Variants in RAB11FIP1 observed in about 807,000 individuals in gnomAD.
The protein encoded by RAB11FIP1 is rab11 family-interacting protein 1.
In RAB11FIP1, 49 loss-of-function variants were observed where a neutral mutation model predicts 83.1. That is an observed-to-expected ratio of 0.59 (90% CI 0.47 to 0.75). The LOEUF is 0.75. RAB11FIP1 is among the 30% of genes least tolerant of loss of function. The pLI is 0.00. For synonymous variants in RAB11FIP1, 670 were observed against 656.0 expected, an observed-to-expected ratio of 1.02 and a Z score of -0.33; for missense variants, 1,536 against 1,598.7, an observed-to-expected ratio of 0.96 and a Z score of 0.67.
chr8:37,887,872 T>C (rs1314476827), intron 1 of RAB11FIP1, among the ~76,000 whole-genome samples: 1 of 152,232 alleles, frequency 6.6e-6, no homozygotes, highest in African/African-American at 2.4e-5. Flanking sequence ...ATCGTCAAAC[T>C]TATAATTTTG....
rs774149632 is a variant in RAB11FIP1 at position 37,863,075 on chromosome 8, C to T, written c.3672G>A (p.Gln1224=). 1.6e-5 allele frequency: 25 copies of T among 1,612,374 alleles called. No individual in the cohort carries two copies. In the South Asian group the frequency reaches 2.6e-4, roughly 17 times the overall value. The change falls in exon 6 of 6, where the codon CAG becomes CAA. Residue 1224 remains glutamine, a synonymous_variant. Coordinates refer to ENST00000330843, the MANE Select transcript of RAB11FIP1 (RefSeq NM_001002814.3). The stretch of plus-strand genomic sequence containing the variant: ...GCTGAATCAGCTCATCGTGGGTCAG[C>T]TGCGCATATGCAAATGCAGGGTCCG... ...SPSDPAFAYA[Q]LTHDELIQLV...
chr8:37,872,202 A>G lies in RAB11FIP1; in HGVS notation c.2600T>C (p.Val867Ala). Residue 867 changes from valine (V) to alanine (A), a missense_variant, in exon 4 of 6, where the codon GTG (valine) becomes GCG (alanine). Coordinates refer to ENST00000330843, the MANE Select transcript of RAB11FIP1 (RefSeq NM_001002814.3). ...ACACGTCGCTGGCCCAGGTGTGGTCACCGATTCCCTTTCTGAGTCCTCTGC... is the reference window on the plus strand; with the variant it reads ...ACACGTCGCTGGCCCAGGTGTGGTCGCCGATTCCCTTTCTGAGTCCTCTGC... Reference protein sequence around the residue: ...PHAEDSERESVTTPGPATCGA... With the variant: ...PHAEDSERESATTPGPATCGA... The G allele has an allele frequency of 1.9e-6, 3 of 1,614,012 alleles. No homozygotes were observed. The highest frequency in any genetic ancestry group is 1.7e-6 in the Non-Finnish European group (2 of 1,179,990).
chr8:37,863,491 G>A (rs1187314483), intron 5 of RAB11FIP1, among the ~76,000 whole-genome samples: 2 of 152,018 alleles, frequency 1.3e-5, no homozygotes, highest in African/African-American at 2.4e-5. Context: ...CAGGTGATCC[G>A]CCTGCCTCAG....
intron 2 of RAB11FIP1, among the ~76,000 whole-genome samples, chr8:37,876,317 T>C (rs1353485261): frequency 2.0e-5 from 3 of 151,768 alleles, no homozygotes; most frequent in Non-Finnish European, 2.9e-5. Context: ...ATCTCAGCCA[T>C]GGGCAATGGT....
rs561499693 is a variant in RAB11FIP1, at chr8:37,890,944, C to T, written c.371+8127G>A. Among the ~76,000 whole-genome samples, 87 of 152,342 alleles carry T rather than the reference C, an allele frequency of 5.7e-4. No individual in the cohort carries two copies. In the Middle Eastern group the frequency reaches 0.01, roughly 18 times the overall value. On this transcript the variant is annotated intron_variant, in intron 1 of 5. Coordinates refer to ENST00000330843, the MANE Select transcript of RAB11FIP1 (RefSeq NM_001002814.3). ...TCTCCACGTTCACCCAGGCAATCTA[C>T]TGCCTGCCCTGTGCCTACAGGAACC...
At chr8:37,895,247 ATATATATATATATTTTTTTTTTT>A (rs1462585458) in intron 1 of RAB11FIP1, among the ~76,000 whole-genome samples, 2 of 10,830 alleles carry the variant, frequency 1.8e-4, no homozygotes, top group East Asian at 3.8e-3. Context: ...ATATATATAT[ATATATATATATATTTTTTTTTTT>A]TTTTTTTTTT....
At chr8:37,882,563 T>C (rs1266854967) in intron 1 of RAB11FIP1, among the ~76,000 whole-genome samples, 1 of 152,210 alleles carries the variant, frequency 6.6e-6, no homozygotes. Context: ...GTGGAGGTGT[T>C]CCTCCTCTTA....
chr8:37,884,084 G>A (rs1806775273), intron 1 of RAB11FIP1, among the ~76,000 whole-genome samples: 2 of 151,954 alleles, frequency 1.3e-5, no homozygotes, highest in Admixed American at 1.3e-4. Flanking sequence ...TTGAGACAGA[G>A]TCTCATTCTA....
rs904409309 is a variant in RAB11FIP1, at chr8:37,859,714, T to A, written c.*3181A>T. 2 of 152,268 alleles carry A rather than the reference T, an allele frequency of 1.3e-5. No homozygotes were observed. The highest frequency in any genetic ancestry group is 4.8e-5 in the African/African-American group (2 of 41,470). 9.4% of individuals were successfully genotyped at this position (152,268 alleles called of 1,614,324 possible). A position where few individuals can be genotyped will look rare whatever the true frequency, so the allele number is the denominator to read the frequency against. On this transcript the variant is annotated 3_prime_UTR_variant, in exon 6 of 6. Transcript: ENST00000330843. The stretch of plus-strand genomic sequence containing the variant: ...GCTTCCCTCAAGTCCTGACTGCTCT[T>A]TCTGAGGCAGCCAGGCTAGGCCAAG...
At chr8:37,895,218 AATATATATATATATATAT>A (rs1157101966) in intron 1 of RAB11FIP1, among the ~76,000 whole-genome samples, 433 of 13,694 alleles carry the variant, frequency 0.032, 16 homozygotes, top group Non-Finnish European at 0.043. Flanking sequence ...GGTGCCTGCC[AATATATATATATATATAT>A]ATATATATAT....
intron 1 of RAB11FIP1, among the ~76,000 whole-genome samples, chr8:37,884,203 T>C (rs1198758165): frequency 6.6e-6 from 1 of 151,070 alleles, no homozygotes; most frequent in Non-Finnish European, 1.5e-5. Flanking sequence ...TAGCTGGGAG[T>C]ACAGGCGCAC....
At chr8:37,879,559 C>T (rs1322303656) in intron 1 of RAB11FIP1, among the ~76,000 whole-genome samples, 1 of 152,060 alleles carries the variant, frequency 6.6e-6, no homozygotes, top group Non-Finnish European at 1.5e-5. Context: ...TGTGAATATT[C>T]TTAATGACAT....
At position 37,862,001 on chromosome 8, in the gene RAB11FIP1, C is replaced by T; in HGVS notation, c.*894G>A. 5.6e-6 allele frequency: 1 copy of T among 180,172 alleles called. No homozygotes were observed. Among genetic ancestry groups the T allele is most frequent in the Non-Finnish European group, 1.2e-5 (1 of 83,778 alleles). 11.2% of individuals were successfully genotyped at this position (180,172 alleles called of 1,614,324 possible). ...AAAGGCACAGGGGGAAAAGGCCAAG[C>T]AATCGTATTGACATCATTCCACACC... On this transcript the variant is annotated 3_prime_UTR_variant, in exon 6 of 6. Coordinates refer to ENST00000330843, the MANE Select transcript of RAB11FIP1 (RefSeq NM_001002814.3).
Position 37,877,119 on chromosome 8 carries a change from CGAG to C in RAB11FIP1, c.801_803del (p.Ser268del), listed in dbSNP as rs764270773. ...GAGGCAGAAACTCACCATCCGAGGC[CGAG>C]GAGGACTCATCCTCATTGTCATCTT... is the stretch of plus-strand genomic sequence containing the variant. On this transcript the variant is annotated inframe_deletion, in exon 2 of 6. Coordinates refer to ENST00000330843, the MANE Select transcript of RAB11FIP1 (RefSeq NM_001002814.3). 1 of 1,609,428 alleles carries C rather than the reference CGAG, an allele frequency of 6.2e-7. No individual in the cohort carries two copies. The highest frequency in any genetic ancestry group is 8.5e-7 in the Non-Finnish European group (1 of 1,176,168).
rs1043547892 is a variant in RAB11FIP1 at position 37,875,497 on chromosome 8, T to C, written c.815-175A>G. Among the ~76,000 whole-genome samples the C allele has an allele frequency of 5.3e-5, 8 of 152,134 alleles. No individual in the cohort carries two copies. In the East Asian group the frequency reaches 9.6e-4, roughly 18 times the overall value. On this transcript the variant is annotated intron_variant, in intron 2 of 5. Coordinates refer to ENST00000330843, the MANE Select transcript of RAB11FIP1 (RefSeq NM_001002814.3). Reference sequence around the variant, plus strand: ...ATGATACTGAACATCTTACAACGTATAGCACAGCCCCCCACGACAAAGGCC... The same window carrying C: ...ATGATACTGAACATCTTACAACGTACAGCACAGCCCCCCACGACAAAGGCC...
At chr8:37,867,470 C>T (rs563156496) in intron 5 of RAB11FIP1, among the ~76,000 whole-genome samples, 3 of 152,160 alleles carry the variant, frequency 2.0e-5, no homozygotes, top group Non-Finnish European at 2.9e-5. Context: ...TTTGGGAGGC[C>T]GAGGTGGGTG....
chr8:37,864,648 G>A (rs138914268), intron 5 of RAB11FIP1, among the ~76,000 whole-genome samples: 14 of 152,274 alleles, frequency 9.2e-5, no homozygotes, highest in Non-Finnish European at 1.9e-4. Flanking sequence ...AGATGATGGC[G>A]GTACTAACTT....
chr8:37,863,241 T>A, intron 5 of RAB11FIP1, 128 bp from the exon 6 acceptor site: 1 of 590,784 alleles, frequency 1.7e-6, no homozygotes, highest in South Asian at 2.2e-5. Flanking sequence ...CCATTTTCTT[T>A]CTTTCTTTCT....
intron 1 of RAB11FIP1, among the ~76,000 whole-genome samples, chr8:37,898,746 C>A (rs1807145466): frequency 1.4e-5 from 2 of 147,002 alleles, no homozygotes; most frequent in Non-Finnish European, 3.0e-5. Flanking sequence ...CGTGAACCTG[C>A]GAGGCGAAGT....
Sources: allele counts gnomAD v4.1 joint callset (sites outside exome capture counted in the v4.1 genomes callset), GRCh38; gene constraint gnomAD v4.1.1; transcripts MANE v1.5; gene names NCBI Gene and HGNC (gene_info 2026-07-23, HGNC 2026-07-21).